Variants in RPS15 observed in about 807,000 individuals in gnomAD.
RPS15 encodes small ribosomal subunit protein uS19.
Under a neutral mutation model 14.9 loss-of-function variants are expected in RPS15, and 5 were observed. The ratio of observed to expected loss-of-function variants is 0.34; its 90% confidence interval spans 0.18 to 0.70. RPS15 has a LOEUF of 0.70. Ranked by LOEUF, RPS15 falls within the 30% of genes least tolerant of loss-of-function variation. The probability of loss-of-function intolerance (pLI) is 0.65; values close to 1 mark genes in which losing one functional copy is unlikely to be tolerated. For missense variants in RPS15, 102 were observed against 204.2 expected (o/e 0.50, Z 3.05); for synonymous variants, 103 against 85.0 (o/e 1.21, Z -1.16).
rs913241863 is a variant in RPS15 at position 1,439,976 on chromosome 19, C to G, written c.90-43C>G. The G allele has an allele frequency of 2.7e-6, 4 of 1,496,544 alleles. No individual in the cohort carries two copies. In the East Asian group the frequency reaches 7.4e-5, roughly 28 times the overall value. The allele number at this position is 1,496,544 out of a possible 1,614,324, so 92.7% of individuals were successfully genotyped here. ...TCCGCCGGAGTGCGTAGGGTCTCCC[C>G]AGGCCGGGCCGCTCACAAAACTGCC... is the stretch of plus-strand genomic sequence containing the variant. On this transcript the variant is annotated intron_variant, in intron 2 of 3. Transcript: ENST00000592588.
chr19:1,438,648 C>T lies in RPS15; in HGVS notation c.4-159C>T, dbSNP rs778500677. ...CCTTCATGTCCGGGTCCTCGTAACC[C>T]GGAGCCGCGAGTGATCCCCGGGGAC... On this transcript the variant is annotated intron_variant, in intron 1 of 3. Coordinates refer to ENST00000592588, the MANE Select transcript of RPS15 (RefSeq NM_001018.5). This position sits in a 1 kb window ranked among gnomAD's most constrained non-coding sequence, Gnocchi z 4.8. 5.9e-6 allele frequency: 9 copies of T among 1,532,310 alleles called. No homozygotes were observed. The highest frequency in any genetic ancestry group is 4.1e-5 in the African/African-American group (3 of 72,518). The allele number at this position is 1,532,310 out of a possible 1,614,324, so 94.9% of individuals were successfully genotyped here.
rs1046457402 is a variant in RPS15 at position 1,438,616 on chromosome 19, G to C, written c.3+188G>C. ...GGACGACGCGGGGCTGGGAAGGCCT[G>C]TCCGGGCCTTCATGTCCGGGTCCTC... On this transcript the variant is annotated intron_variant, in intron 1 of 3. Coordinates refer to ENST00000592588, the MANE Select transcript of RPS15 (RefSeq NM_001018.5). This position sits in a 1 kb window ranked among gnomAD's most constrained non-coding sequence, Gnocchi z 4.8. 2.0e-6 allele frequency: 3 copies of C among 1,535,774 alleles called. No individual in the cohort carries two copies. The highest frequency in any genetic ancestry group is 1.7e-4 in the Middle Eastern group (1 of 5,912).
chr19:1,439,008 C>T (rs996122002), intron 2 of RPS15, 116 bp downstream of exon 2: 3 of 832,474 alleles, frequency 3.6e-6, no homozygotes, highest in Non-Finnish European at 5.5e-6. Flanking sequence ...GGCACGGTCT[C>T]CGCGCGGGTT....
chr19:1,440,067 C>T lies in RPS15; in HGVS notation c.138C>T (p.Asn46=), dbSNP rs777456157. The change falls in exon 3 of 4, where the codon AAC becomes AAT. Residue 46 remains asparagine (N), a synonymous_variant. Coordinates refer to ENST00000592588, the MANE Select transcript of RPS15 (RefSeq NM_001018.5). The part of the protein sequence containing the change: ...LYSARQRRRL[N]RGLRRKQHSL... ...GTGCGCGCCAGCGGCGGCGGCTGAA[C>T]CGGGGCCTGCGGCGGAAGCAGCACT... 1.3e-4 allele frequency: 211 copies of T among 1,564,926 alleles called. No homozygotes were observed. The highest frequency in any genetic ancestry group is 1.7e-4 in the Non-Finnish European group (200 of 1,156,088).
In RPS15 at chr19:1,438,406, T is replaced by A; in HGVS notation, c.-20T>A. 6.2e-7 allele frequency: 1 copy of A among 1,613,414 alleles called. No homozygotes were observed. Among genetic ancestry groups the A allele is most frequent in the Non-Finnish European group, 8.5e-7 (1 of 1,179,886 alleles). ...TGCGCAGGCGCGGACCAAAGCGATC[T>A]CTTCTGAGGATCCGGCAAGATGGTG... On this transcript the variant is annotated 5_prime_UTR_variant, in exon 1 of 4. Transcript: ENST00000592588. The surrounding 1 kb of genome is among the most constrained non-coding windows in gnomAD (Gnocchi z 4.8).
intron 2 of RPS15, chr19:1,439,134 C>T: frequency 1.9e-6 from 1 of 521,192 alleles, no homozygotes. Flanking sequence ...AAGGTGTAGC[C>T]CCTGTCTGTA....
chr19:1,440,299 G>C (rs1284635868), intron 3 of RPS15, 46 bp downstream of exon 3: 1 of 1,611,548 alleles, frequency 6.2e-7, no homozygotes, highest in Non-Finnish European at 8.5e-7. Flanking sequence ...GGGGTCGCCT[G>C]ATGCAGGCGG....
Position 1,438,625 on chromosome 19 carries a change from T to C in RPS15, c.4-182T>C, listed in dbSNP as rs945071421. On this transcript the variant is annotated intron_variant, in intron 1 of 3. Transcript: ENST00000592588. This position sits in a 1 kb window ranked among gnomAD's most constrained non-coding sequence, Gnocchi z 4.8. The stretch of plus-strand genomic sequence containing the variant: ...GGGGCTGGGAAGGCCTGTCCGGGCC[T>C]TCATGTCCGGGTCCTCGTAACCCGG... 2.6e-6 allele frequency: 4 copies of C among 1,533,256 alleles called. No individual in the cohort carries two copies. Among genetic ancestry groups the C allele is most frequent in the Non-Finnish European group, 3.5e-6 (4 of 1,135,890 alleles). 95.0% of individuals were successfully genotyped at this position (1,533,256 alleles called of 1,614,324 possible).
At position 1,438,949 on chromosome 19, in the gene RPS15, G is replaced by A; in HGVS notation, c.89+57G>A. The A allele has an allele frequency of 6.8e-7, 1 of 1,469,884 alleles. No homozygotes were observed. Among genetic ancestry groups the A allele is most frequent in the African/African-American group, 1.4e-5 (1 of 70,866 alleles). 91.1% of individuals were successfully genotyped at this position (1,469,884 alleles called of 1,614,324 possible). A position where few individuals can be genotyped will look rare whatever the true frequency, so the allele number is the denominator to read the frequency against. On this transcript the variant is annotated intron_variant, in intron 2 of 3. Transcript: ENST00000592588. The surrounding 1 kb of genome is among the most constrained non-coding windows in gnomAD (Gnocchi z 4.8). ...GCTGGGCCAGCGGTGGGGCTTGTCC[G>A]GGTGAGGGCGGCGGGGCGGGGGTCC...
rs770996582 is a variant in RPS15 at position 1,438,881 on chromosome 19, G to A, written c.78G>A (p.Leu26=). ...TYRGVDLDQL[L]DMSYEQLMQL... ...GCGGCGTGGACCTCGACCAGCTGCT[G>A]GACATGTCCTAGTAAGGGCGGCCGC... Residue 26 remains leucine (L), a synonymous_variant, in exon 2 of 4, where the codon CTG becomes CTA. Coordinates refer to ENST00000592588, the MANE Select transcript of RPS15 (RefSeq NM_001018.5). The surrounding 1 kb of genome is among the most constrained non-coding windows in gnomAD (Gnocchi z 4.8). 5.7e-6 allele frequency: 9 copies of A among 1,584,142 alleles called. No individual in the cohort carries two copies. The East Asian group carries it at 6.9e-5, about 12-fold the overall frequency.
At position 1,438,876 on chromosome 19, in the gene RPS15, C is replaced by T. The variant is rs777810579; in HGVS notation, c.73C>T (p.Leu25=). 2.5e-6 allele frequency: 4 copies of T among 1,586,618 alleles called. No individual in the cohort carries two copies. The East Asian group carries it at 6.9e-5, about 27-fold the overall frequency. The part of the protein sequence containing the change: ...FTYRGVDLDQ[L]LDMSYEQLMQ... The stretch of plus-strand genomic sequence containing the variant: ...CTACCGCGGCGTGGACCTCGACCAG[C>T]TGCTGGACATGTCCTAGTAAGGGCG... Residue 25 remains leucine (L), a synonymous_variant, in exon 2 of 4, where the codon CTG becomes TTG. Transcript: ENST00000592588. This position sits in a 1 kb window ranked among gnomAD's most constrained non-coding sequence, Gnocchi z 4.8.
At chr19:1,439,517 C>A in intron 2 of RPS15, 1 of 219,862 alleles carries the variant, frequency 4.5e-6, no homozygotes, top group South Asian at 6.7e-5. Flanking sequence ...GCCTCGGCCT[C>A]CCAAAGTGCT....
intron 3 of RPS15, 31 bp from the exon 4 acceptor site, chr19:1,440,318 G>T (rs1360239471): frequency 9.9e-6 from 16 of 1,611,418 alleles, no homozygotes; most frequent in Non-Finnish European, 1.4e-5. Flanking sequence ...GGGATCAGCT[G>T]ACACCCAGCT....
rs1420065814 is a variant in RPS15 at position 1,440,266 on chromosome 19, G to A, written c.324+13G>A. On this transcript the variant is annotated intron_variant, in intron 3 of 3. Transcript: ENST00000592588. ...GGTGGAGATCAAGGTGTGTGCGGCCGTCCCTGCCGGCTGGGGTGGGCTGGG... is the reference window on the plus strand; with the variant it reads ...GGTGGAGATCAAGGTGTGTGCGGCCATCCCTGCCGGCTGGGGTGGGCTGGG... 1 of 1,611,832 alleles carries A rather than the reference G, an allele frequency of 6.2e-7. No homozygotes were observed. Among genetic ancestry groups the A allele is most frequent in the Admixed American group, 1.7e-5 (1 of 59,732 alleles).
chr19:1,439,110 C>T (rs189727439), intron 2 of RPS15: 4 of 545,848 alleles, frequency 7.3e-6, no homozygotes, highest in African/African-American at 2.0e-5. Flanking sequence ...TTCACTTTTC[C>T]GCGGCTTAGT....
Position 1,440,257 on chromosome 19 carries a change from T to C in RPS15, c.324+4T>C, listed in dbSNP as rs765197829. ...CTTCAACCAGGTGGAGATCAAGGTG[T>C]GTGCGGCCGTCCCTGCCGGCTGGGG... On this transcript the variant is annotated splice_donor_region_variant and intron_variant, in intron 3 of 3. Transcript: ENST00000592588. 13 of 1,610,560 alleles carry C rather than the reference T, an allele frequency of 8.1e-6. No homozygotes were observed. The highest frequency in any genetic ancestry group is 6.7e-5 in the Admixed American group (4 of 59,662).
Position 1,440,482 on chromosome 19 carries a change from G to C in RPS15, c.*20G>C, listed in dbSNP as rs866149891. On this transcript the variant is annotated 3_prime_UTR_variant, in exon 4 of 4. Transcript: ENST00000592588. ...AAGTAATGGCTCAGCTAATAAAGGC[G>C]CACATGACTCCAGTCCTTTGCGCAG... 5.1e-6 allele frequency: 8 copies of C among 1,559,608 alleles called. No homozygotes were observed. In the Middle Eastern group the frequency reaches 1.2e-3, roughly 228 times the overall value.
At position 1,440,395 on chromosome 19, in the gene RPS15, A is replaced by G. The variant is rs766385001; in HGVS notation, c.371A>G (p.Lys124Arg). The G allele has an allele frequency of 6.2e-7, 1 of 1,613,994 alleles. No homozygotes were observed. The highest frequency in any genetic ancestry group is 8.5e-7 in the Non-Finnish European group (1 of 1,179,892). Residue 124 changes from lysine to arginine, a missense_variant, in exon 4 of 4, where the codon AAG becomes AGG. By Grantham distance (26) the Lys-to-Arg change is conservative (BLOSUM62 2). Around this residue, in one of 2 missense-constraint regions of RPS15, gnomAD observed 32 missense variants for 107.4 expected, o/e 0.30. Coordinates refer to ENST00000592588, the MANE Select transcript of RPS15 (RefSeq NM_001018.5). The part of the protein sequence containing the change: ...HYLGEFSITY[K>R]PVKHGRPGIG... ...CTGGGCGAGTTCTCCATCACCTACA[A>G]GCCCGTAAAGCATGGCCGGCCCGGC...
chr19:1,438,405 C>A lies in RPS15; in HGVS notation c.-21C>A, dbSNP rs766223650. ...CTGCGCAGGCGCGGACCAAAGCGATCTCTTCTGAGGATCCGGCAAGATGGT... is the reference window on the plus strand; with the variant it reads ...CTGCGCAGGCGCGGACCAAAGCGATATCTTCTGAGGATCCGGCAAGATGGT... On this transcript the variant is annotated 5_prime_UTR_variant, in exon 1 of 4. Transcript: ENST00000592588. This position sits in a 1 kb window ranked among gnomAD's most constrained non-coding sequence, Gnocchi z 4.8. 6.8e-6 allele frequency: 11 copies of A among 1,613,408 alleles called. No individual in the cohort carries two copies. Among genetic ancestry groups the A allele is most frequent in the South Asian group, 1.1e-5 (1 of 91,084 alleles).
Sources: gnomAD v4.1 joint callset for allele counts on GRCh38, gnomAD v4.1.1 for gene constraint, gnomAD v4.1.1 regional missense constraint, Gnocchi (gnomAD v3.1) non-coding constraint, MANE v1.5 for transcripts, NCBI Gene and HGNC (gene_info 2026-07-23, HGNC 2026-07-21) for gene names.